Variants in ARHGEF16 observed in about 807,000 individuals in gnomAD.
ARHGEF16 encodes the protein Rho guanine exchange factor (GEF) 16.
ARHGEF16 carries 59 observed loss-of-function variants against 74.1 expected under a neutral mutation model. That is an observed-to-expected ratio of 0.80 (90% CI 0.65 to 0.99). ARHGEF16 has a LOEUF of 0.99. Ranked by LOEUF, ARHGEF16 falls within the 50% of genes least tolerant of loss-of-function variation. ARHGEF16 has a pLI of 0.00. For synonymous variants in ARHGEF16, 415 were observed against 412.6 expected (o/e 1.01, Z -0.07); for missense variants, 948 against 986.6 (o/e 0.96, Z 0.52).
At position 3,478,607 on chromosome 1, in the gene ARHGEF16, C is replaced by A. The variant is rs147698918; in HGVS notation, c.1809C>A (p.Asp603Glu). ...GRQEQLLLSS[D>E]SASDRARWIV... ...AGGAGCAGCTCCTGCTCTCCTCGGACTCCGCGTAAGTGGGCTCCCGGGAGG... is the reference window on the plus strand; with the variant it reads ...AGGAGCAGCTCCTGCTCTCCTCGGAATCCGCGTAAGTGGGCTCCCGGGAGG... Residue 603 changes from aspartate (D) to glutamate (E), a missense_variant, in exon 12 of 15, where the codon GAC becomes GAA. Coordinates refer to ENST00000378378, the MANE Select transcript of ARHGEF16 (RefSeq NM_014448.4). The A allele has an allele frequency of 1.0e-3, 1,662 of 1,608,636 alleles. 1 individual carries two copies. Among genetic ancestry groups the A allele is most frequent in the Non-Finnish European group, 1.3e-3 (1,564 of 1,177,624 alleles).
In ARHGEF16 at chr1:3,461,666, G is replaced by A. The variant is rs1195676943; in HGVS notation, c.-19-1400G>A. Among the ~76,000 whole-genome samples, 6 of 152,298 alleles carry A rather than the reference G, an allele frequency of 3.9e-5. No individual in the cohort carries two copies. In the South Asian group the frequency reaches 6.2e-4, roughly 16 times the overall value. ...GACCGCTGTGGCCGAGCAATGCGCC[G>A]TCACTCAGGAGGTGATGTGTAGCCA... On this transcript the variant is annotated intron_variant, in intron 1 of 14. Coordinates refer to ENST00000378378, the MANE Select transcript of ARHGEF16 (RefSeq NM_014448.4).
At chr1:3,468,710 C>G (rs564940275) in intron 4 of ARHGEF16, 170 bp from the exon 5 acceptor site, 1 of 697,740 alleles carries the variant, frequency 1.4e-6, no homozygotes, top group East Asian at 2.8e-5. Context: ...AGGAAGGTGA[C>G]GGGGATAGGC....
chr1:3,480,830 T>G lies in ARHGEF16; in HGVS notation c.*243T>G. 7 of 549,796 alleles carry G rather than the reference T, an allele frequency of 1.3e-5. No individual in the cohort carries two copies. Among genetic ancestry groups the G allele is most frequent in the Non-Finnish European group, 1.8e-5 (6 of 326,324 alleles). The allele number at this position is 549,796 out of a possible 1,614,324, so 34.1% of individuals were successfully genotyped here. A position where few individuals can be genotyped will look rare whatever the true frequency, so the allele number is the denominator to read the frequency against. Reference sequence around the variant, plus strand: ...ACCGTGTCCCAGGGAGCCCAGCCTATTCCCGTTGGCTGGCTGGGCCCCTCA... The same window carrying G: ...ACCGTGTCCCAGGGAGCCCAGCCTAGTCCCGTTGGCTGGCTGGGCCCCTCA... On this transcript the variant is annotated 3_prime_UTR_variant, in exon 15 of 15. Coordinates refer to ENST00000378378, the MANE Select transcript of ARHGEF16 (RefSeq NM_014448.4).
At chr1:3,454,986 C>T (rs921856886) in intron 1 of ARHGEF16, among the ~76,000 whole-genome samples, 175 bp downstream of exon 1, 7 of 152,094 alleles carry the variant, frequency 4.6e-5, no homozygotes, top group African/African-American at 7.2e-5. Context: ...CCTGGGGCTC[C>T]GCCGGGGCGG....
At chr1:3,466,965 G>C (rs540635490) in intron 3 of ARHGEF16, 1 of 553,186 alleles carries the variant, frequency 1.8e-6, no homozygotes, top group Non-Finnish European at 3.1e-6. Context: ...CCTGAGCCGG[G>C]ACCAGCCCAT....
Position 3,480,446 on chromosome 1 carries a change from AG to A in ARHGEF16, c.1992del. 1 of 1,612,406 alleles carries A rather than the reference AG, an allele frequency of 6.2e-7. No individual in the cohort carries two copies. The highest frequency in any genetic ancestry group is 8.5e-7 in the Non-Finnish European group (1 of 1,179,890). Reference sequence around the variant, plus strand: ...CTCCCTCCCACCCCTATCCGGGTTCAGGGTGGCTCTATGGCGAGAGGCTCCG... The same window carrying A: ...CTCCCTCCCACCCCTATCCGGGTTCAGGTGGCTCTATGGCGAGAGGCTCCG... On this transcript the variant is annotated splice_acceptor_variant, in intron 14 of 14. Coordinates refer to ENST00000378378, the MANE Select transcript of ARHGEF16 (RefSeq NM_014448.4). LOFTEE classifies it high-confidence loss of function.
chr1:3,468,844 G>T (rs1157667523), intron 4 of ARHGEF16, 36 bp from the exon 5 acceptor site: 3 of 1,549,136 alleles, frequency 1.9e-6, no homozygotes, highest in African/African-American at 2.7e-5. Context: ...CTTCTAGGAC[G>T]TGTGACCGAG....
At chr1:3,476,871 G>A (rs1356415313) in intron 10 of ARHGEF16, among the ~76,000 whole-genome samples, 2 of 152,132 alleles carry the variant, frequency 1.3e-5, no homozygotes, top group Non-Finnish European at 1.5e-5. Flanking sequence ...TGGGGCAGGC[G>A]TCAGGGCGGT....
Position 3,467,268 on chromosome 1 carries a change from G to A in ARHGEF16, c.735G>A (p.Gln245=), listed in dbSNP as rs764468514. The A allele has an allele frequency of 5.1e-5, 79 of 1,550,366 alleles. No homozygotes were observed. The South Asian group carries it at 8.8e-4, about 17-fold the overall frequency. ...LDESSSPEGT[Q]KVDATIVVKS... is the part of the protein sequence containing the mutation. ...AGTCCTCCAGCCCCGAGGGAACCCAGAAGGTGGACGCCACCATTGTGGTCA... is the reference window on the plus strand; with the variant it reads ...AGTCCTCCAGCCCCGAGGGAACCCAAAAGGTGGACGCCACCATTGTGGTCA... Residue 245 remains glutamine, a synonymous_variant, in exon 4 of 15, where the codon CAG becomes CAA. Coordinates refer to ENST00000378378, the MANE Select transcript of ARHGEF16 (RefSeq NM_014448.4).
chr1:3,466,226 G>T (rs945467847), intron 3 of ARHGEF16, 33 bp downstream of exon 3: 2 of 1,530,138 alleles, frequency 1.3e-6, no homozygotes, highest in East Asian at 5.1e-5. Flanking sequence ...CCGCGGGCTG[G>T]GCTCCAGTTG....
intron 5 of ARHGEF16, 109 bp from the exon 6 acceptor site, chr1:3,469,324 C>T: frequency 7.5e-7 from 1 of 1,334,250 alleles, no homozygotes. Flanking sequence ...GGTTCCTGTC[C>T]CCACCTGCCC....
chr1:3,480,001 C>A, intron 14 of ARHGEF16, 88 bp downstream of exon 14: 1 of 1,332,004 alleles, frequency 7.5e-7, no homozygotes, highest in Admixed American at 1.8e-5. Context: ...CAGAGCATGC[C>A]GGGCTGCAGG....
At chr1:3,480,102 A>T (rs1569887220) in intron 14 of ARHGEF16, among the ~76,000 whole-genome samples, 189 bp downstream of exon 14, 1 of 152,198 alleles carries the variant, frequency 6.6e-6, no homozygotes, top group Admixed American at 6.5e-5. Context: ...GTTCATGGTC[A>T]CTGTGTCCCA....
chr1:3,457,151 A>T (rs1388523728), intron 1 of ARHGEF16, among the ~76,000 whole-genome samples: 2 of 152,220 alleles, frequency 1.3e-5, no homozygotes, highest in East Asian at 1.9e-4. Context: ...GAGCTGGCTG[A>T]TGTGTGCTGC....
rs1480091965 is a variant in ARHGEF16, at chr1:3,454,745, C to T, written c.-86C>T. On this transcript the variant is annotated 5_prime_UTR_variant, in exon 1 of 15. Transcript: ENST00000378378. ...GGAGCGAAGCGGCTGCAGGACAGGA[C>T]AGGACCCGGCGCTGGAAGCTGCACC... is the stretch of plus-strand genomic sequence containing the variant. 2 of 152,286 alleles carry T rather than the reference C, an allele frequency of 1.3e-5. No homozygotes were observed. Among genetic ancestry groups the T allele is most frequent in the African/African-American group, 4.8e-5 (2 of 41,450 alleles). 9.4% of individuals were successfully genotyped at this position (152,286 alleles called of 1,614,324 possible). A position where few individuals can be genotyped will look rare whatever the true frequency, so the allele number is the denominator to read the frequency against.
In ARHGEF16 at chr1:3,478,515, G is replaced by A. The variant is rs372889057; in HGVS notation, c.1717G>A (p.Gly573Ser). 79 of 1,612,668 alleles carry A rather than the reference G, an allele frequency of 4.9e-5. No homozygotes were observed. Among genetic ancestry groups the A allele is most frequent in the Admixed American group, 3.3e-5 (2 of 60,020 alleles). Residue 573 changes from glycine (G) to serine (S), a missense_variant, in exon 12 of 15, where the codon GGC (glycine) becomes AGC (serine). Coordinates refer to ENST00000378378, the MANE Select transcript of ARHGEF16 (RefSeq NM_014448.4). ...EPSELPLPGG[G>S]NRSSSVPHPF... ...GTCTGAGCTCCCTCTGCCCGGGGGC[G>A]GCAACCGTAGCTCCTCCGTGCCCCA...
chr1:3,474,360 A>C, intron 8 of ARHGEF16: 1 of 309,106 alleles, frequency 3.2e-6, no homozygotes. Flanking sequence ...TGCCCAAGCC[A>C]AACAGAACCT....
chr1:3,471,594 G>T, intron 6 of ARHGEF16: 1 of 1,096,242 alleles, frequency 9.1e-7, no homozygotes, highest in Non-Finnish European at 1.1e-6. Context: ...TCTGCCCCCA[G>T]CCAGGCAGGC....
At chr1:3,465,907 A>G (rs961537390) in intron 2 of ARHGEF16, 2 of 531,830 alleles carry the variant, frequency 3.8e-6, no homozygotes, top group Admixed American at 3.7e-5. Context: ...TCCCCTCACG[A>G]TGAGTTCAAC....
Sources: allele counts gnomAD v4.1 joint callset (sites outside exome capture counted in the v4.1 genomes callset), GRCh38; gene constraint gnomAD v4.1.1; transcripts MANE v1.5; gene names NCBI Gene and HGNC (gene_info 2026-07-23, HGNC 2026-07-21).